KLHL32: variants seen among roughly 807,000 people sequenced by gnomAD.
KLHL32 encodes the protein kelch like family member 32.
In KLHL32, 35 loss-of-function variants were observed where a neutral mutation model predicts 64.8. The ratio of observed to expected loss-of-function variants is 0.54; its 90% CI spans 0.41 to 0.72. The LOEUF is 0.72. Among genes scored for constraint, KLHL32 ranks in the 30% least tolerant of loss-of-function variants. KLHL32 has a pLI of 0.00. For missense variants in KLHL32, 589 were observed against 768.5 expected (o/e 0.77, Z 2.76); for synonymous variants, 259 against 281.0 (o/e 0.92, Z 0.78).
At chr6:97,081,490 A>G (rs1342658385) in intron 5 of KLHL32, among the ~76,000 whole-genome samples, 1 of 152,220 alleles carries the variant, frequency 6.6e-6, no homozygotes, top group Non-Finnish European at 1.5e-5. Flanking sequence ...GTGAAACCCC[A>G]GATGCCAGAA....
chr6:97,046,961 AT>A (rs1786025819), intron 4 of KLHL32, among the ~76,000 whole-genome samples: 1 of 152,206 alleles, frequency 6.6e-6, no homozygotes, highest in Admixed American at 6.5e-5. Flanking sequence ...GTCAGTTGTA[AT>A]ATGCATAGTA....
At chr6:96,902,691 G>T in the KLHL32 span, among the ~76,000 whole-genome samples, 2 of 152,066 alleles carry the variant, frequency 1.3e-5, no homozygotes, top group Non-Finnish European at 2.9e-5. Flanking sequence ...GTATTGCCTA[G>T]GTTTTCTTCT....
At chr6:96,980,538 T>C (rs574715532) in intron 3 of KLHL32, among the ~76,000 whole-genome samples, 1 of 152,330 alleles carries the variant, frequency 6.6e-6, no homozygotes, top group South Asian at 2.1e-4. Flanking sequence ...ATTAGCTTTT[T>C]GATGTGCTTC....
chr6:96,923,849 G>T (rs1768847990), upstream of KLHL32, among the ~76,000 whole-genome samples: 2 of 152,216 alleles, frequency 1.3e-5, no homozygotes, highest in East Asian at 3.8e-4. Context: ...CAATTCGGTG[G>T]TGGAATACTT....
intron 3 of KLHL32, among the ~76,000 whole-genome samples, chr6:97,003,221 T>C (rs1779253628): frequency 6.6e-6 from 1 of 152,200 alleles, no homozygotes; most frequent in Non-Finnish European, 1.5e-5. Context: ...CTCATCATGG[T>C]TTTGATTTCC....
intron 5 of KLHL32, among the ~76,000 whole-genome samples, chr6:97,078,358 G>A (rs553665268): frequency 2.0e-5 from 3 of 152,198 alleles, no homozygotes; most frequent in South Asian, 2.1e-4. Flanking sequence ...GTAAAGTATC[G>A]ACATGGGGTA....
Position 96,926,993 on chromosome 6 carries a change from A to G in KLHL32, c.-66+1967A>G, listed in dbSNP as rs1057499302. Among the ~76,000 whole-genome samples the G allele has an allele frequency of 2.0e-5, 3 of 152,232 alleles. No homozygotes were observed. The South Asian group carries it at 6.2e-4, about 31-fold the overall frequency. On this transcript the variant is annotated intron_variant, in intron 1 of 10. Transcript: ENST00000369261. ...ACTGATGTGAAAAAATACATCCATC[A>G]TTGTGAGTGATCAGTTTTTTATTTC...
the KLHL32 span, among the ~76,000 whole-genome samples, chr6:96,904,218 G>A: frequency 6.6e-6 from 1 of 151,410 alleles, no homozygotes; most frequent in Admixed American, 6.6e-5. Context: ...GGTGCACATC[G>A]ATAATCCCAG....
chr6:96,949,470 C>A (rs2128008315), intron 1 of KLHL32, among the ~76,000 whole-genome samples: 1 of 152,246 alleles, frequency 6.6e-6, no homozygotes, highest in East Asian at 1.9e-4. Flanking sequence ...GCCTTTCTTT[C>A]CACAGATGTA....
intron 1 of KLHL32, among the ~76,000 whole-genome samples, chr6:96,959,174 G>A (rs2128022568): frequency 1.3e-5 from 2 of 152,308 alleles, no homozygotes; most frequent in South Asian, 4.1e-4. Context: ...AGAGGCCACT[G>A]TCTCAGGCCC....
intron 3 of KLHL32, among the ~76,000 whole-genome samples, chr6:97,040,566 C>T (rs1784965258): frequency 6.6e-6 from 1 of 152,072 alleles, no homozygotes; most frequent in Non-Finnish European, 1.5e-5. Flanking sequence ...GCATTGGGGC[C>T]CTGAGAGTCT....
At chr6:97,063,662 T>C (rs1043369795) in intron 4 of KLHL32, among the ~76,000 whole-genome samples, 3 of 152,188 alleles carry the variant, frequency 2.0e-5, no homozygotes, top group African/African-American at 7.2e-5. Flanking sequence ...CTCAGGACAC[T>C]TGTTAAAAAC....
chr6:96,971,637 TG>T (rs1775117183), intron 2 of KLHL32, among the ~76,000 whole-genome samples: 2 of 152,076 alleles, frequency 1.3e-5, no homozygotes, highest in Non-Finnish European at 2.9e-5. Flanking sequence ...TTTCCATTGT[TG>T]CATGAGGGCC....
intron 3 of KLHL32, among the ~76,000 whole-genome samples, chr6:96,999,803 T>G (rs926697686): frequency 6.6e-6 from 1 of 152,210 alleles, no homozygotes; most frequent in Non-Finnish European, 1.5e-5. Flanking sequence ...TAAGAACAGA[T>G]AAACCACATG....
chr6:96,911,735 C>A, the KLHL32 span, among the ~76,000 whole-genome samples: 6 of 147,494 alleles, frequency 4.1e-5, no homozygotes, highest in South Asian at 1.3e-3. Flanking sequence ...TGGTCTTTTT[C>A]TTACTTATTA....
intron 1 of KLHL32, among the ~76,000 whole-genome samples, chr6:96,948,481 T>G (rs1371815190): frequency 1.3e-5 from 2 of 152,126 alleles, no homozygotes; most frequent in African/African-American, 4.8e-5. Flanking sequence ...TGTGTCCTTA[T>G]GTGGGCAAGT....
chr6:96,965,580 A>G (rs1413903280), intron 1 of KLHL32, among the ~76,000 whole-genome samples: 2 of 152,188 alleles, frequency 1.3e-5, no homozygotes, highest in Non-Finnish European at 1.5e-5. Flanking sequence ...ACAACTCCCT[A>G]TAGTAATCAA....
At chr6:97,121,751 C>T (rs1029481970) in intron 7 of KLHL32, among the ~76,000 whole-genome samples, 10 of 151,756 alleles carry the variant, frequency 6.6e-5, no homozygotes, top group African/African-American at 1.9e-4. Flanking sequence ...TAGTAAAAGA[C>T]GGTAAACTAA....
intron 1 of KLHL32, among the ~76,000 whole-genome samples, chr6:96,938,627 T>C (rs1207268684): frequency 1.3e-5 from 2 of 151,986 alleles, no homozygotes; most frequent in Admixed American, 1.3e-4. Context: ...CTTTCTCTCT[T>C]CCTGCAGCAG....
Sources: gnomAD v4.1 joint callset for allele counts (sites outside exome capture counted in the v4.1 genomes callset) on GRCh38, gnomAD v4.1.1 for gene constraint, MANE v1.5 for transcripts, NCBI Gene and HGNC (gene_info 2026-07-23, HGNC 2026-07-21) for gene names.